ADGRV1: variants seen among roughly 807,000 people sequenced by gnomAD.
ADGRV1 encodes the protein adhesion G protein-coupled receptor V1.
A neutral mutation model predicts 596.2 loss-of-function variants in ADGRV1; 359 were observed. The observed-to-expected ratio is 0.60, with a 90% CI of 0.55 to 0.66. The LOEUF (loss-of-function observed/expected upper bound fraction) is 0.66. Among genes scored for constraint, ADGRV1 ranks in the 30% least tolerant of loss-of-function variants. The probability of loss-of-function intolerance (pLI) is 0.00; values close to 1 mark genes in which losing one functional copy is unlikely to be tolerated. For synonymous variants in ADGRV1, 2,681 were observed against 2,679.2 expected (o/e 1.00, Z -0.02); for missense variants, 7,274 against 7,575.6 (o/e 0.96, Z 1.48).
At chr5:91,086,778 G>A (rs896684311) in intron 86 of ADGRV1, among the ~76,000 whole-genome samples, 3 of 151,966 alleles carry the variant, frequency 2.0e-5, no homozygotes, top group African/African-American at 7.3e-5. Flanking sequence ...TTCCCTAACT[G>A]GTGTCCCTGC....
intron 29 of ADGRV1, among the ~76,000 whole-genome samples, 156 bp downstream of exon 29, chr5:90,686,151 G>A (rs1745602806): frequency 1.5e-5 from 2 of 136,544 alleles, no homozygotes; most frequent in African/African-American, 5.7e-5. Flanking sequence ...CAAATCTAGA[G>A]TCTTTTTTTT....
intron 86 of ADGRV1, among the ~76,000 whole-genome samples, chr5:91,092,274 A>G (rs1300459443): frequency 6.6e-6 from 1 of 151,898 alleles, no homozygotes; most frequent in African/African-American, 2.4e-5. Context: ...AATTTTTGTA[A>G]TTTTTGTAGA....
intron 84 of ADGRV1, among the ~76,000 whole-genome samples, chr5:90,980,701 C>T (rs1041383880): frequency 1.1e-4 from 17 of 152,126 alleles, no homozygotes; most frequent in African/African-American, 3.1e-4. Flanking sequence ...TTTAGGTGAG[C>T]GACACCCTTT....
intron 84 of ADGRV1, among the ~76,000 whole-genome samples, chr5:90,968,232 T>A (rs766253926): frequency 4.6e-5 from 7 of 152,302 alleles, no homozygotes; most frequent in Admixed American, 1.3e-4. Flanking sequence ...TTAAGAGTGT[T>A]CATAGCAATA....
rs1000772996 is a variant in ADGRV1, at chr5:90,733,236, C to T, written c.10549+3472C>T. Among the ~76,000 whole-genome samples the T allele has an allele frequency of 2.6e-5, 4 of 152,134 alleles. No individual in the cohort carries two copies. In the East Asian group the frequency reaches 7.7e-4, roughly 29 times the overall value. On this transcript the variant is annotated intron_variant, in intron 50 of 89. Transcript: ENST00000405460. ...AGCAAAAGTTATTATACCTTGGCAACTGGGAGGAGAATGGTTTTAAATTAG... is the reference window on the plus strand; with the variant it reads ...AGCAAAAGTTATTATACCTTGGCAATTGGGAGGAGAATGGTTTTAAATTAG...
intron 86 of ADGRV1, among the ~76,000 whole-genome samples, chr5:91,077,919 A>T (rs1257970906): frequency 6.6e-6 from 1 of 152,204 alleles, no homozygotes; most frequent in Non-Finnish European, 1.5e-5. Context: ...TATATGAGGA[A>T]TGATTCATGG....
chr5:91,044,389 C>T (rs1785617043), intron 85 of ADGRV1, among the ~76,000 whole-genome samples: 2 of 152,088 alleles, frequency 1.3e-5, no homozygotes, highest in Non-Finnish European at 1.5e-5. Flanking sequence ...TCTCTACACA[C>T]AAAAATGATA....
chr5:90,668,302 T>A (rs1255463287), intron 21 of ADGRV1, among the ~76,000 whole-genome samples: 2 of 152,156 alleles, frequency 1.3e-5, no homozygotes, highest in Non-Finnish European at 2.9e-5. Context: ...GTGCGGGGTA[T>A]AATCTCGTGG....
chr5:90,674,415 A>G (rs1301270736), intron 23 of ADGRV1, 181 bp downstream of exon 23: 3 of 412,998 alleles, frequency 7.3e-6, no homozygotes, highest in Non-Finnish European at 1.3e-5. Context: ...GAGAAAATAT[A>G]AAGATCAGTT....
chr5:90,739,002 G>A (rs1753611009), intron 50 of ADGRV1, among the ~76,000 whole-genome samples: 1 of 150,820 alleles, frequency 6.6e-6, no homozygotes, highest in South Asian at 2.1e-4. Flanking sequence ...TTTTATTTTT[G>A]CTTCTTTGAC....
At chr5:90,871,368 A>T (rs1000791716) in intron 83 of ADGRV1, among the ~76,000 whole-genome samples, 2 of 152,184 alleles carry the variant, frequency 1.3e-5, no homozygotes, top group African/African-American at 4.8e-5. Context: ...ATAAAATCGA[A>T]TTCCTTTTCC....
chr5:90,679,700 T>A, intron 26 of ADGRV1, 71 bp downstream of exon 26: 1 of 986,064 alleles, frequency 1.0e-6, no homozygotes, highest in Non-Finnish European at 1.6e-6. Flanking sequence ...GAGACAATAC[T>A]AACCACTTAT....
In ADGRV1 at chr5:90,604,320, C is replaced by T. The variant is rs555921237; in HGVS notation, c.23-10515C>T. 4.6e-5 allele frequency among the ~76,000 whole-genome samples: 7 copies of T among 152,104 alleles called. No homozygotes were observed. The East Asian group carries it at 9.7e-4, about 21-fold the overall frequency. ...CTTTCTTTCTTACTGGCAGTGAGTG[C>T]AAATAATTCATTTAGAAAGCATAAG... is the stretch of plus-strand genomic sequence containing the variant. On this transcript the variant is annotated intron_variant, in intron 1 of 89. Transcript: ENST00000405460.
intron 85 of ADGRV1, among the ~76,000 whole-genome samples, chr5:91,008,100 A>T (rs1404608802): frequency 6.6e-6 from 1 of 152,182 alleles, no homozygotes; most frequent in African/African-American, 2.4e-5. Context: ...GATATCTTAC[A>T]GTCAAATATT....
chr5:90,660,090 G>A (rs1379757013), intron 21 of ADGRV1, among the ~76,000 whole-genome samples: 1 of 151,918 alleles, frequency 6.6e-6, no homozygotes, highest in Non-Finnish European at 1.5e-5. Flanking sequence ...GGAGCTAGGA[G>A]AATCCAGCTG....
At chr5:91,150,680 A>G (rs188652902) in intron 88 of ADGRV1, among the ~76,000 whole-genome samples, 130 of 152,332 alleles carry the variant, frequency 8.5e-4, no homozygotes, top group African/African-American at 2.8e-3. Flanking sequence ...CAAACAGAGA[A>G]AAGAAATTAA....
intron 83 of ADGRV1, among the ~76,000 whole-genome samples, chr5:90,915,879 G>A (rs1392585010): frequency 2.0e-5 from 3 of 152,172 alleles, no homozygotes; most frequent in South Asian, 2.1e-4. Context: ...GACTCTAATG[G>A]TAAGGCGTTT....
intron 23 of ADGRV1, among the ~76,000 whole-genome samples, chr5:90,674,972 A>G (rs1452849164): frequency 6.6e-6 from 1 of 152,210 alleles, no homozygotes; most frequent in Non-Finnish European, 1.5e-5. Context: ...CTGTATCAGT[A>G]TTCCTGCTAT....
rs186975400 is a variant in ADGRV1, at chr5:90,712,298, T to G, written c.9054T>G (p.Phe3018Leu). The G allele has an allele frequency of 5.6e-5, 86 of 1,533,716 alleles. No individual in the cohort carries two copies. In the African/African-American group the frequency reaches 9.8e-4, roughly 17 times the overall value. ...DYIFTPMILH[F>L]ADGERYKNVN... ...ACCTTTTTGACCAGATTCTTCATTT[T>G]GCTGATGGAGAAAGGTATAAAAATG... The change falls in exon 42 of 90, where the codon TTT (phenylalanine) becomes TTG (leucine). Residue 3018 changes from phenylalanine to leucine, a missense_variant. This residue lies in a region of ADGRV1 where 3,643 missense variants were observed against 3,809.2 expected (regional missense o/e 0.96). Coordinates refer to ENST00000405460, the MANE Select transcript of ADGRV1 (RefSeq NM_032119.4).
Sources: gnomAD v4.1 joint callset for allele counts (sites outside exome capture counted in the v4.1 genomes callset) on GRCh38, gnomAD v4.1.1 for gene constraint, gnomAD v4.1.1 regional missense constraint, MANE v1.5 for transcripts, NCBI Gene and HGNC (gene_info 2026-07-23, HGNC 2026-07-21) for gene names.